The following RMND5B variants were observed in gnomAD, a reference collection of about 807,000 sequenced individuals.
The protein encoded by RMND5B is E3 ubiquitin-protein transferase RMND5B.
RMND5B carries 42 observed loss-of-function variants against 50.4 expected under a neutral mutation model. That is an observed-to-expected ratio of 0.83 (90% CI 0.65 to 1.08). The LOEUF is 1.08. Among genes scored for constraint, RMND5B ranks in the 50% least tolerant of loss-of-function variants. RMND5B has a pLI of 0.00. For synonymous variants in RMND5B, 220 were observed against 210.0 expected (o/e 1.05, Z -0.41); for missense variants, 463 against 508.5 (o/e 0.91, Z 0.86).
Position 178,138,495 on chromosome 5 carries a change from T to C in RMND5B, c.139+237T>C. On this transcript the variant is annotated intron_variant, in intron 3 of 10. Transcript: ENST00000313386. This position sits in a 1 kb window ranked among gnomAD's most constrained non-coding sequence, Gnocchi z 5.1. ...TTTTGTTTTCAACTTACTTTTCTATTTTTAACTTTTTTTCATTTTATAATT... is the reference window on the plus strand; with the variant it reads ...TTTTGTTTTCAACTTACTTTTCTATCTTTAACTTTTTTTCATTTTATAATT... 2.8e-6 allele frequency: 3 copies of C among 1,080,032 alleles called. No homozygotes were observed. The highest frequency in any genetic ancestry group is 3.7e-6 in the Non-Finnish European group (3 of 813,462). 66.9% of individuals were successfully genotyped at this position (1,080,032 alleles called of 1,614,324 possible).
chr5:178,143,548 A>T (rs750944674), intron 5 of RMND5B, 79 bp from the exon 6 acceptor site: 6 of 1,137,252 alleles, frequency 5.3e-6, no homozygotes, highest in Non-Finnish European at 7.9e-6. Flanking sequence ...TTGGCGGGTG[A>T]GCTTTTATTA....
chr5:178,143,676 T>A lies in RMND5B; in HGVS notation c.476T>A (p.Leu159Ter), dbSNP rs748074605. 6.2e-7 allele frequency: 1 copy of A among 1,614,186 alleles called. No homozygotes were observed. The highest frequency in any genetic ancestry group is 8.5e-7 in the Non-Finnish European group (1 of 1,180,022). Residue 159 changes from leucine (L) to a stop codon, truncating the protein, a stop_gained, in exon 6 of 11, where the codon TTG becomes TAG. Coordinates refer to ENST00000313386, the MANE Select transcript of RMND5B (RefSeq NM_022762.5). LOFTEE classifies it high-confidence loss of function. ...GATTTCAAGCAGCCTTTCCTAGAGT[T>A]GAATCGAATCCTGGAAGCCCTGCAC... ...DLDFKQPFLE[L>*]NRILEALHEQ...
At chr5:178,147,510 T>TC (rs751641183) in intron 8 of RMND5B, 23 bp from the exon 9 acceptor site, 20 of 1,606,642 alleles carry the variant, frequency 1.2e-5, no homozygotes, top group Non-Finnish European at 1.7e-5. Context: ...TGAGCCACTC[T>TC]AGCCCCTGTT....
chr5:178,143,366 G>A (rs1755794464), intron 5 of RMND5B, among the ~76,000 whole-genome samples: 1 of 152,178 alleles, frequency 6.6e-6, no homozygotes, highest in South Asian at 2.1e-4. Context: ...AACTCAGTGC[G>A]TAGCCTGGGG....
chr5:178,139,328 C>A (rs762918173), intron 3 of RMND5B, among the ~76,000 whole-genome samples: 7 of 151,312 alleles, frequency 4.6e-5, no homozygotes, highest in Non-Finnish European at 1.0e-4. Context: ...GCCTCAGCTT[C>A]CCGAGTAGCT....
At chr5:178,139,937 G>C (rs1452740824) in intron 3 of RMND5B, among the ~76,000 whole-genome samples, 4 of 152,076 alleles carry the variant, frequency 2.6e-5, no homozygotes, top group Non-Finnish European at 5.9e-5. Flanking sequence ...AGTTTCTCCT[G>C]TCTAATCTTT....
At chr5:178,144,663 G>A (rs1018633064) in intron 7 of RMND5B, among the ~76,000 whole-genome samples, 1 of 149,862 alleles carries the variant, frequency 6.7e-6, no homozygotes, top group East Asian at 2.0e-4. Context: ...CCCGGGAGGC[G>A]GAGCTTGATC....
chr5:178,133,754 C>T (rs1306318754), intron 2 of RMND5B, among the ~76,000 whole-genome samples: 1 of 147,800 alleles, frequency 6.8e-6, no homozygotes, highest in East Asian at 2.0e-4. Flanking sequence ...CGCTGTCTCC[C>T]AGGCTGGAGT....
In RMND5B at chr5:178,148,532, A is replaced by G. The variant is rs1191797130; in HGVS notation, c.*500A>G. 1 of 169,192 alleles carries G rather than the reference A, an allele frequency of 5.9e-6. No homozygotes were observed. The highest frequency in any genetic ancestry group is 1.7e-4 in the East Asian group (1 of 5,936). 10.5% of individuals were successfully genotyped at this position (169,192 alleles called of 1,614,324 possible). A position where few individuals can be genotyped will look rare whatever the true frequency, so the allele number is the denominator to read the frequency against. On this transcript the variant is annotated 3_prime_UTR_variant, in exon 11 of 11. Transcript: ENST00000313386. Reference sequence around the variant, plus strand: ...AGTTAGAACGGAATGCCGTTGTTTTATAACTTTGAACAAATGTATTTACTG... The same window carrying G: ...AGTTAGAACGGAATGCCGTTGTTTTGTAACTTTGAACAAATGTATTTACTG...
At position 178,149,853 on chromosome 5, in the gene RMND5B, GA is replaced by G; in HGVS notation, c.*1823del. On this transcript the variant is annotated 3_prime_UTR_variant, in exon 11 of 11. Transcript: ENST00000313386. ...GCACCCAGGTCCTACAGAGGGGAAA[GA>G]AGTGCTGTTTGGAAAAAAGCTGTAC... 6.2e-7 allele frequency: 1 copy of G among 1,612,972 alleles called. No homozygotes were observed. Among genetic ancestry groups the G allele is most frequent in the Admixed American group, 1.7e-5 (1 of 59,818 alleles).
intron 2 of RMND5B, among the ~76,000 whole-genome samples, chr5:178,135,813 C>T (rs902306756): frequency 2.0e-5 from 3 of 152,204 alleles, no homozygotes; most frequent in African/African-American, 4.8e-5. Flanking sequence ...GTTTGACCTT[C>T]GTGAGGTCCT....
At position 178,148,057 on chromosome 5, in the gene RMND5B, G is replaced by T; in HGVS notation, c.*25G>T. 1.9e-6 allele frequency: 3 copies of T among 1,611,332 alleles called. No homozygotes were observed. Among genetic ancestry groups the T allele is most frequent in the South Asian group, 1.1e-5 (1 of 91,006 alleles). ...ATTCCTACCTGGAAGGAATTTTGTT[G>T]AAAGGGGTTTTCACCTGTGAGCCTT... On this transcript the variant is annotated 3_prime_UTR_variant, in exon 11 of 11. Transcript: ENST00000313386.
chr5:178,146,307 C>T (rs763355371), intron 8 of RMND5B, 28 bp downstream of exon 8: 6 of 1,605,718 alleles, frequency 3.7e-6, no homozygotes, highest in Non-Finnish European at 5.1e-6. Context: ...GAGGGCAGCA[C>T]AGGTGGGAGG....
intron 3 of RMND5B, among the ~76,000 whole-genome samples, chr5:178,140,725 G>T (rs1431482943): frequency 1.3e-5 from 2 of 151,974 alleles, no homozygotes; most frequent in Non-Finnish European, 1.5e-5. Context: ...AGCTACTTGG[G>T]AGGCTGAGGC....
At position 178,147,604 on chromosome 5, in the gene RMND5B, C is replaced by T. The variant is rs754022729; in HGVS notation, c.932C>T (p.Thr311Ile). The T allele has an allele frequency of 6.2e-7, 1 of 1,614,044 alleles. No individual in the cohort carries two copies. Among genetic ancestry groups the T allele is most frequent in the African/African-American group, 1.3e-5 (1 of 74,914 alleles). ...GCTGTGATTGAGCAGCGGCAGTGCA[C>T]TGGGGTCTGGAATCACAAGGACGAG... ...IKAVIEQRQC[T>I]GVWNHKDELP... Residue 311 changes from threonine (T) to isoleucine (I), a missense_variant, in exon 9 of 11, where the codon ACT (threonine) becomes ATT (isoleucine). Physicochemically the swap from Thr to Ile is moderately conservative, Grantham distance 89. Transcript: ENST00000313386.
chr5:178,138,021 G>A lies in RMND5B; in HGVS notation c.-12-87G>A, dbSNP rs1758707723. On this transcript the variant is annotated intron_variant, in intron 2 of 10. Coordinates refer to ENST00000313386, the MANE Select transcript of RMND5B (RefSeq NM_022762.5). The surrounding 1 kb of genome is among the most constrained non-coding windows in gnomAD (Gnocchi z 5.1). ...CATTGATACATGATGTGGGAATGGT[G>A]AGAGGGATCTGAAGAGGTGGTCTGG... is the stretch of plus-strand genomic sequence containing the variant. 8 of 1,166,744 alleles carry A rather than the reference G, an allele frequency of 6.9e-6. No individual in the cohort carries two copies. The highest frequency in any genetic ancestry group is 5.6e-4 in the Middle Eastern group (2 of 3,598). 72.3% of individuals were successfully genotyped at this position (1,166,744 alleles called of 1,614,324 possible).
Position 178,148,132 on chromosome 5 carries a change from G to C in RMND5B, c.*100G>C, listed in dbSNP as rs1351229281. 8.1e-7 allele frequency: 1 copy of C among 1,229,670 alleles called. No individual in the cohort carries two copies. The highest frequency in any genetic ancestry group is 2.3e-5 in the East Asian group (1 of 42,604). 76.2% of individuals were successfully genotyped at this position (1,229,670 alleles called of 1,614,324 possible). On this transcript the variant is annotated 3_prime_UTR_variant, in exon 11 of 11. Transcript: ENST00000313386. ...CTTCAGTGGACTGTGGTTGGTTTCA[G>C]AGCGCCTGGCTGAGGAGTTCCACTG...
rs1222887328 is a variant in RMND5B at position 178,137,021 on chromosome 5, GGA to G, written c.-12-1085_-12-1084del. Reference sequence around the variant, plus strand: ...AGAAGGGTGCAAAGTGAGAGTAGAGGGAGCTAGGTGGGCACAGGCTAGAGACA... The same window carrying G: ...AGAAGGGTGCAAAGTGAGAGTAGAGGGCTAGGTGGGCACAGGCTAGAGACA... On this transcript the variant is annotated intron_variant, in intron 2 of 10. Coordinates refer to ENST00000313386, the MANE Select transcript of RMND5B (RefSeq NM_022762.5). This position sits in a 1 kb window ranked among gnomAD's most constrained non-coding sequence, Gnocchi z 4.4. Among the ~76,000 whole-genome samples, 1 of 152,146 alleles carries G rather than the reference GGA, an allele frequency of 6.6e-6. No homozygotes were observed. The highest frequency in any genetic ancestry group is 1.5e-5 in the Non-Finnish European group (1 of 68,044).
chr5:178,131,423 A>C (rs949986030), intron 2 of RMND5B, 47 bp downstream of exon 2: 2 of 152,172 alleles, frequency 1.3e-5, no homozygotes, highest in African/African-American at 4.8e-5. Flanking sequence ...CTTTGGAAGG[A>C]TGACTAGGAG....
Sources: gnomAD v4.1 joint callset for allele counts (sites outside exome capture counted in the v4.1 genomes callset) on GRCh38, gnomAD v4.1.1 for gene constraint, Gnocchi (gnomAD v3.1) non-coding constraint, MANE v1.5 for transcripts, NCBI Gene and HGNC (gene_info 2026-07-23, HGNC 2026-07-21) for gene names.